The following KCNH7 variants were observed in gnomAD, a reference collection of about 807,000 sequenced individuals.
The protein encoded by KCNH7 is potassium voltage-gated channel subfamily H member 7, also known as voltage-gated inwardly rectifying potassium channel KCNH7.
A neutral mutation model predicts 120.8 loss-of-function variants in KCNH7; 49 were observed. The ratio of observed to expected loss-of-function variants is 0.41; its 90% CI spans 0.32 to 0.51. The LOEUF (loss-of-function observed/expected upper bound fraction) is 0.51. KCNH7 is among the 20% of genes least tolerant of loss of function. The pLI, the probability that KCNH7 is intolerant of heterozygous loss-of-function variation, is 0.38. For missense variants in KCNH7, 1,097 were observed against 1,446.6 expected, an observed-to-expected ratio of 0.76 and a Z score of 3.92; for synonymous variants, 547 against 516.1, an observed-to-expected ratio of 1.06 and a Z score of -0.81.
intron 11 of KCNH7, among the ~76,000 whole-genome samples, chr2:162,395,112 G>A (rs1365011339): frequency 6.6e-6 from 1 of 151,710 alleles, no homozygotes; most frequent in Non-Finnish European, 1.5e-5. Context: ...CAAAATATGT[G>A]TTCATTGACT....
At chr2:162,532,406 G>A (rs1691954416) in intron 3 of KCNH7, among the ~76,000 whole-genome samples, 1 of 151,980 alleles carries the variant, frequency 6.6e-6, no homozygotes, top group East Asian at 2.0e-4. Flanking sequence ...CTTAAAAAGT[G>A]CACAAGACCC....
At chr2:162,564,977 G>C (rs1446783902) in intron 2 of KCNH7, among the ~76,000 whole-genome samples, 1 of 152,044 alleles carries the variant, frequency 6.6e-6, no homozygotes, top group African/African-American at 2.4e-5. Context: ...GGCTAATTCA[G>C]CTCAGAGATG....
chr2:162,600,136 T>C (rs371165624), intron 2 of KCNH7, among the ~76,000 whole-genome samples: 4 of 152,244 alleles, frequency 2.6e-5, no homozygotes, highest in African/African-American at 7.2e-5. Context: ...ATCAATCACA[T>C]ACAGAGATGT....
intron 2 of KCNH7, among the ~76,000 whole-genome samples, chr2:162,589,251 G>A (rs947259661): frequency 1.3e-5 from 2 of 151,992 alleles, no homozygotes; most frequent in Non-Finnish European, 2.9e-5. Context: ...CGCTGAGAAA[G>A]GTCTAGAAAG....
At chr2:162,505,675 T>C (rs1444715790) in intron 5 of KCNH7, among the ~76,000 whole-genome samples, 1 of 152,014 alleles carries the variant, frequency 6.6e-6, no homozygotes, top group South Asian at 2.1e-4. Flanking sequence ...TCTTAAAAAT[T>C]AACAACAGGG....
chr2:162,790,061 T>C (rs1483446743), intron 2 of KCNH7, among the ~76,000 whole-genome samples: 1 of 151,574 alleles, frequency 6.6e-6, no homozygotes, highest in Non-Finnish European at 1.5e-5. Context: ...GTTGTTTTTT[T>C]AAGAAGATAA....
chr2:162,475,814 G>A (rs1479073665), intron 6 of KCNH7, among the ~76,000 whole-genome samples: 1 of 152,190 alleles, frequency 6.6e-6, no homozygotes, highest in Admixed American at 6.5e-5. Flanking sequence ...GCTCAGATGA[G>A]CTGGCACCCT....
intron 3 of KCNH7, chr2:162,528,364 C>T (rs1241641197): frequency 6.6e-6 from 1 of 151,916 alleles, no homozygotes; most frequent in Non-Finnish European, 1.5e-5. Flanking sequence ...ACTAAGCAAA[C>T]AGATGTGACC....
At chr2:162,545,762 C>T (rs1692457626) in intron 2 of KCNH7, among the ~76,000 whole-genome samples, 1 of 152,088 alleles carries the variant, frequency 6.6e-6, no homozygotes, top group Non-Finnish European at 1.5e-5. Flanking sequence ...AGACCTAATT[C>T]AATACTCTAT....
At chr2:162,561,122 G>T (rs563098528) in intron 2 of KCNH7, among the ~76,000 whole-genome samples, 4 of 151,234 alleles carry the variant, frequency 2.6e-5, no homozygotes, top group African/African-American at 9.7e-5. Context: ...GAAAAATTTT[G>T]CTCAGTAGAT....
At chr2:162,581,487 GT>G (rs1225746196) in intron 2 of KCNH7, among the ~76,000 whole-genome samples, 7 of 152,148 alleles carry the variant, frequency 4.6e-5, no homozygotes, top group African/African-American at 1.7e-4. Context: ...GGGCACATTC[GT>G]TTGGAGGTGA....
chr2:162,446,557 T>C, intron 6 of KCNH7, 114 bp from the exon 7 acceptor site: 1 of 756,018 alleles, frequency 1.3e-6, no homozygotes, highest in East Asian at 2.7e-5. Flanking sequence ...AGAGAATTCA[T>C]GTAATTTGGA....
chr2:162,384,080 G>C (rs1421180853), intron 13 of KCNH7, among the ~76,000 whole-genome samples: 2 of 151,624 alleles, frequency 1.3e-5, no homozygotes, highest in African/African-American at 4.8e-5. Flanking sequence ...TCATTTTTTA[G>C]CATGAAATCT....
intron 2 of KCNH7, among the ~76,000 whole-genome samples, chr2:162,817,161 A>G (rs1684944340): frequency 6.6e-6 from 1 of 152,144 alleles, no homozygotes; most frequent in Non-Finnish European, 1.5e-5. Flanking sequence ...ATCAATACCC[A>G]ATCAAGATGT....
chr2:162,384,990 G>A (rs751466256), intron 12 of KCNH7, 51 bp from the exon 13 acceptor site: 1 of 1,462,162 alleles, frequency 6.8e-7, no homozygotes, highest in South Asian at 1.2e-5. Context: ...ACAATTAAAT[G>A]TGAGACGGTA....
In KCNH7 at chr2:162,725,468, A is replaced by G. The variant is rs115647934; in HGVS notation, c.307+111069T>C. Among the ~76,000 whole-genome samples, 1,239 of 152,304 alleles carry G rather than the reference A, an allele frequency of 8.1e-3. 11 individuals carry two copies. Among genetic ancestry groups the G allele is most frequent in the South Asian group, 0.014 (69 of 4,820 alleles). The stretch of plus-strand genomic sequence containing the variant: ...TAACTGCAAGCATTCTGGAAGATAC[A>G]TTCAGAATATGTTCATACAACTTTC... On this transcript the variant is annotated intron_variant, in intron 2 of 15. Coordinates refer to ENST00000332142, the MANE Select transcript of KCNH7 (RefSeq NM_033272.4).
chr2:162,716,241 G>A (rs73974051), intron 2 of KCNH7, among the ~76,000 whole-genome samples: 2,394 of 152,096 alleles, frequency 0.016, 20 homozygotes, highest in African/African-American at 0.021. Context: ...CAAGGCTCTC[G>A]TAGTTCATGG....
At chr2:162,610,014 C>T (rs1167629262) in intron 2 of KCNH7, among the ~76,000 whole-genome samples, 1 of 152,186 alleles carries the variant, frequency 6.6e-6, no homozygotes, top group African/African-American at 2.4e-5. Flanking sequence ...GGGAAGATGA[C>T]ACTTACTGTG....
intron 2 of KCNH7, among the ~76,000 whole-genome samples, chr2:162,671,578 T>C (rs112256848): frequency 0.017 from 2,632 of 152,110 alleles, 74 homozygotes; most frequent in African/African-American, 0.059. Flanking sequence ...GAGAGGGGAC[T>C]GAGGGATGAC....
Sources: gnomAD v4.1 joint callset for allele counts (sites outside exome capture counted in the v4.1 genomes callset) on GRCh38, gnomAD v4.1.1 for gene constraint, MANE v1.5 for transcripts, NCBI Gene and HGNC (gene_info 2026-07-23, HGNC 2026-07-21) for gene names.